Variants in INSL6 observed in about 807,000 individuals in gnomAD.
INSL6 encodes the protein insulin-like peptide INSL6.
INSL6 carries 16 observed loss-of-function variants against 9.4 expected under a neutral mutation model. That is an observed-to-expected ratio of 1.70 (90% CI 1.15 to 2.59). The LOEUF (loss-of-function observed/expected upper bound fraction) is 2.59. Ranked by LOEUF, INSL6 falls within the 30% of genes most tolerant of loss-of-function variation. The pLI, the probability that INSL6 is intolerant of heterozygous loss-of-function variation, is 0.00. For missense variants in INSL6, 391 were observed against 257.3 expected, an observed-to-expected ratio of 1.52 and a Z score of -3.56; for synonymous variants, 154 against 96.9, an observed-to-expected ratio of 1.59 and a Z score of -3.46.
chr9:5,174,943 T>C (rs913233628), intron 1 of INSL6, among the ~76,000 whole-genome samples: 8 of 127,010 alleles, frequency 6.3e-5, no homozygotes, highest in African/African-American at 3.3e-4. Context: ...GGAGTCATTC[T>C]TTTTTTTTTT....
At chr9:5,077,790 A>G in the INSL6 span, among the ~76,000 whole-genome samples, 1 of 152,208 alleles carries the variant, frequency 6.6e-6, no homozygotes, top group African/African-American at 2.4e-5. Flanking sequence ...CATCCCATCA[A>G]TATCTTAGAA....
Position 5,182,550 on chromosome 9 carries a change from G to T in INSL6, c.289+2764C>A, listed in dbSNP as rs146482598. Among the ~76,000 whole-genome samples the T allele has an allele frequency of 2.9e-3, 436 of 152,090 alleles. 3 individuals carry two copies. Among genetic ancestry groups the T allele is most frequent in the African/African-American group, 0.01 (416 of 41,494 alleles). ...TCTAACATCCCAATCACCAAGAAGA[G>T]TGCCTAACACATGATAGGTACTCAA... On this transcript the variant is annotated intron_variant, in intron 1 of 1. Transcript: ENST00000381641.
the INSL6 span, chr9:5,041,852 G>A: frequency 4.3e-6 from 2 of 468,508 alleles, no homozygotes; most frequent in East Asian, 6.0e-5. Flanking sequence ...AGCTGAACGC[G>A]GACGACCCCA....
downstream of INSL6, among the ~76,000 whole-genome samples, chr9:5,119,973 A>C (rs1390016394): frequency 6.6e-6 from 1 of 152,220 alleles, no homozygotes; most frequent in Non-Finnish European, 1.5e-5. Flanking sequence ...CTTATTGAAT[A>C]ATAAACACTG....
chr9:5,141,985 T>C (rs1048230404), intron 2 of INSL6, among the ~76,000 whole-genome samples: 3 of 151,610 alleles, frequency 2.0e-5, no homozygotes, highest in Non-Finnish European at 3.0e-5. Flanking sequence ...CCTTTAGCCA[T>C]TGCTTGTTTT....
At chr9:5,148,033 G>T (rs1302276728) in intron 2 of INSL6, among the ~76,000 whole-genome samples, 1 of 152,102 alleles carries the variant, frequency 6.6e-6, no homozygotes, top group Non-Finnish European at 1.5e-5. Context: ...TTCCATATCT[G>T]CCATTTCAGA....
chr9:5,089,883 C>T, the INSL6 span: 1 of 1,428,746 alleles, frequency 7.0e-7, no homozygotes, highest in Admixed American at 2.6e-5. Context: ...CCATTGAAAC[C>T]TATTTTAAAT....
chr9:4,994,205 T>C, the INSL6 span, among the ~76,000 whole-genome samples: 1 of 152,210 alleles, frequency 6.6e-6, no homozygotes, highest in Non-Finnish European at 1.5e-5. Flanking sequence ...AAATATGCCA[T>C]AGGAACTTCC....
chr9:5,044,639 C>A, the INSL6 span: 1 of 579,642 alleles, frequency 1.7e-6, no homozygotes, highest in Non-Finnish European at 3.0e-6. Flanking sequence ...TCTTGCACAG[C>A]AGGTGCAGAG....
chr9:5,034,049 T>C, the INSL6 span, among the ~76,000 whole-genome samples: 1 of 152,004 alleles, frequency 6.6e-6, no homozygotes, highest in African/African-American at 2.4e-5. Context: ...GAGGAACATC[T>C]ACCAAGCAAA....
At chr9:5,104,810 CAT>C in the INSL6 span, among the ~76,000 whole-genome samples, 4 of 152,288 alleles carry the variant, frequency 2.6e-5, no homozygotes, top group East Asian at 1.9e-4. Context: ...ACAAAAACCA[CAT>C]GATTATTTCA....
At chr9:5,021,350 T>G in the INSL6 span, among the ~76,000 whole-genome samples, 4 of 152,216 alleles carry the variant, frequency 2.6e-5, no homozygotes, top group Non-Finnish European at 5.9e-5. Context: ...TCCCCCAATT[T>G]GAGATCTCTT....
rs960874654 is a variant in INSL6 at position 5,148,121 on chromosome 9, T to C, written c.377-14529A>G. Among the ~76,000 whole-genome samples, 6 of 152,196 alleles carry C rather than the reference T, an allele frequency of 3.9e-5. No homozygotes were observed. In the East Asian group the frequency reaches 1.2e-3, roughly 29 times the overall value. On this transcript the variant is annotated intron_variant, in intron 2 of 3. Coordinates refer to the INSL6 transcript ENST00000649639. ...AGGTTAAGGGGATACTATTTTTTAA[T>C]TGTCAGAGTTTTTATGCTGATTCTT...
the INSL6 span, among the ~76,000 whole-genome samples, chr9:5,070,891 C>T: frequency 6.6e-6 from 1 of 152,096 alleles, no homozygotes; most frequent in East Asian, 1.9e-4. Context: ...AGGTCTCAGA[C>T]CTGTGCAAGG....
the INSL6 span, chr9:5,097,396 C>T: frequency 6.6e-6 from 1 of 152,142 alleles, no homozygotes. Flanking sequence ...TATCCTTATT[C>T]TATCAGGCTT....
the INSL6 span, chr9:5,065,062 G>C: frequency 6.8e-7 from 1 of 1,473,324 alleles, no homozygotes. Flanking sequence ...AGACTTAAAA[G>C]TAAATTTTTA....
chr9:5,173,601 G>A (rs1825232528), intron 1 of INSL6, among the ~76,000 whole-genome samples: 1 of 151,920 alleles, frequency 6.6e-6, no homozygotes, highest in Non-Finnish European at 1.5e-5. Flanking sequence ...ACACAATGGG[G>A]CCTGTCAGAG....
the INSL6 span, chr9:5,098,254 C>G: frequency 6.6e-6 from 1 of 152,118 alleles, no homozygotes; most frequent in Non-Finnish European, 1.5e-5. Flanking sequence ...CAATCAAAAA[C>G]CTCTGTGACT....
Position 5,185,608 on chromosome 9 carries a change from T to C in INSL6, c.-6A>G, listed in dbSNP as rs201241802. ...AAGCGGAGGAGCCGCGGCATCCCTG[T>C]GACCCCAGGCTAGTCCTCCGCGTTG... On this transcript the variant is annotated 5_prime_UTR_variant, in exon 1 of 2. Coordinates refer to ENST00000381641, the MANE Select transcript of INSL6 (RefSeq NM_007179.3). 4.6e-4 allele frequency: 740 copies of C among 1,609,416 alleles called. 2 individuals carry two copies. Among genetic ancestry groups the C allele is most frequent in the Non-Finnish European group, 4.7e-5 (55 of 1,178,734 alleles).
Sources: allele counts gnomAD v4.1 joint callset (sites outside exome capture counted in the v4.1 genomes callset), GRCh38; gene constraint gnomAD v4.1.1; transcripts MANE v1.5; gene names NCBI Gene and HGNC (gene_info 2026-07-23, HGNC 2026-07-21).